Variants in FAS observed in about 807,000 individuals in gnomAD.
FAS encodes Fas cell surface death receptor.
Under a neutral mutation model 33.2 loss-of-function variants are expected in FAS, and 5 were observed. That is an observed-to-expected ratio of 0.15 (90% confidence interval 0.08 to 0.32). The LOEUF (loss-of-function observed/expected upper bound fraction) is 0.32, where lower values mean the gene tolerates loss of function less well. Ranked by LOEUF, FAS falls within the 10% of genes least tolerant of loss-of-function variation. The pLI, the probability that FAS is intolerant of heterozygous loss-of-function variation, is 1.00. For missense variants in FAS, 339 were observed against 386.0 expected (o/e 0.88, Z 1.02); for synonymous variants, 131 against 130.7 (o/e 1.00, Z -0.01).
upstream of FAS, chr10:88,990,602 T>G (rs1847107542): frequency 1.5e-6 from 1 of 680,290 alleles, no homozygotes; most frequent in Non-Finnish European, 2.7e-6. This position sits in a 1 kb window ranked among gnomAD's most constrained non-coding sequence, Gnocchi z 4.9. Context: ...CAGCGAGGCT[T>G]CCTTCCCATC....
chr10:88,965,930 CT>C (rs1193325471), intron 1 of FAS, among the ~76,000 whole-genome samples: 3 of 152,166 alleles, frequency 2.0e-5, no homozygotes, highest in African/African-American at 7.2e-5. Context: ...CACTCCAGTC[CT>C]TGAAAATGGT....
At chr10:88,972,050 A>G (rs1846459087) in intron 1 of FAS, among the ~76,000 whole-genome samples, 2 of 152,028 alleles carry the variant, frequency 1.3e-5, no homozygotes, top group Non-Finnish European at 2.9e-5. Flanking sequence ...CTGGGACTAC[A>G]GGCTCACACC....
exon 2 of FAS, chr10:88,973,297 C>T: frequency 6.2e-7 from 1 of 1,611,360 alleles, no homozygotes; most frequent in Non-Finnish European, 8.5e-7. Context: ...TCATCATCAC[C>T]ATCTGAACAG....
At chr10:88,978,671 C>T (rs1463180126) in intron 2 of FAS, among the ~76,000 whole-genome samples, 1 of 152,124 alleles carries the variant, frequency 6.6e-6, no homozygotes, top group Non-Finnish European at 1.5e-5. Flanking sequence ...TTCATTTGCA[C>T]CACGGCTCCA....
chr10:88,965,823 G>C (rs1024497622), intron 1 of FAS, among the ~76,000 whole-genome samples: 1 of 152,138 alleles, frequency 6.6e-6, no homozygotes, highest in African/African-American at 2.4e-5. Flanking sequence ...GGGCTGATTT[G>C]CTTTTAACTA....
intron 2 of FAS, among the ~76,000 whole-genome samples, chr10:88,981,310 G>T (rs1846704900): frequency 6.6e-6 from 1 of 152,116 alleles, no homozygotes; most frequent in Admixed American, 6.5e-5. Context: ...TGTGCATAAA[G>T]CACTTTTCCT....
chr10:88,969,700 C>T (rs903956391), intron 1 of FAS, among the ~76,000 whole-genome samples: 18 of 152,110 alleles, frequency 1.2e-4, no homozygotes, highest in Admixed American at 4.6e-4. Flanking sequence ...TTTTCATATA[C>T]GTTAATAGCA....
chr10:88,967,221 T>C (rs906016647), intron 1 of FAS, among the ~76,000 whole-genome samples: 2 of 152,188 alleles, frequency 1.3e-5, no homozygotes, highest in Non-Finnish European at 2.9e-5. Context: ...CCCAGTTCTT[T>C]AAACCTGATT....
At chr10:89,008,191 C>T (rs1028449724) in intron 3 of FAS, among the ~76,000 whole-genome samples, 1 of 152,122 alleles carries the variant, frequency 6.6e-6, no homozygotes, top group African/African-American at 2.4e-5. Flanking sequence ...CCTGCAGATA[C>T]AAGGACACAG....
chr10:89,014,192 A>G lies in FAS; in HGVS notation c.750A>G (p.Arg250=). The part of the protein sequence containing the change: ...MTLSQVKGFV[R]KNGVNEAKID... Reference sequence around the variant, plus strand: ...TAAGTCAAGTTAAAGGCTTTGTTCGAAAGAATGGTGTCAATGAAGCCAAAA... The same window carrying G: ...TAAGTCAAGTTAAAGGCTTTGTTCGGAAGAATGGTGTCAATGAAGCCAAAA... Residue 250 remains arginine, a synonymous_variant, in exon 9 of 9, where the codon CGA becomes CGG. Transcript: ENST00000652046. The G allele has an allele frequency of 6.2e-7, 1 of 1,613,962 alleles. No individual in the cohort carries two copies. The highest frequency in any genetic ancestry group is 2.2e-5 in the East Asian group (1 of 44,852).
intron 1 of FAS, among the ~76,000 whole-genome samples, chr10:88,970,212 G>A (rs1426896611): frequency 2.6e-5 from 4 of 152,156 alleles, no homozygotes; most frequent in African/African-American, 7.2e-5. Flanking sequence ...CATAGGCAAA[G>A]TCACTACCCT....
At chr10:88,972,587 G>T in intron 1 of FAS, among the ~76,000 whole-genome samples, 1 of 149,848 alleles carries the variant, frequency 6.7e-6, no homozygotes, top group Non-Finnish European at 1.5e-5. Context: ...TTATCTATTA[G>T]CTTTTTAACT....
At position 89,010,383 on chromosome 10, in the gene FAS, C is replaced by T. The variant is rs9658763; in HGVS notation, c.444-156C>T. ...GCCATCCAAATTATATTAACTTGTG[C>T]CAGCTTTAGATACTAATTTAGAAAT... On this transcript the variant is annotated intron_variant, in intron 4 of 8. Coordinates refer to ENST00000652046, the MANE Select transcript of FAS (RefSeq NM_000043.6). Among the ~76,000 whole-genome samples, 527 of 152,224 alleles carry T rather than the reference C, an allele frequency of 3.5e-3. 2 individuals are homozygous for T. Among genetic ancestry groups the T allele is most frequent in the African/African-American group, 0.012 (498 of 41,516 alleles).
intron 1 of FAS, among the ~76,000 whole-genome samples, chr10:88,970,335 TTGTC>T (rs1248960754): frequency 6.6e-6 from 1 of 152,142 alleles, no homozygotes; most frequent in Non-Finnish European, 1.5e-5. Context: ...ATTGACCTGA[TTGTC>T]TGTCCTCTTC....
chr10:88,995,128 T>C (rs1847511755), intron 1 of FAS, among the ~76,000 whole-genome samples: 1 of 152,184 alleles, frequency 6.6e-6, no homozygotes, highest in African/African-American at 2.4e-5. Context: ...AAATAACATT[T>C]AATAAATCCT....
At chr10:89,004,216 C>T (rs1434565386) in intron 2 of FAS, among the ~76,000 whole-genome samples, 1 of 152,180 alleles carries the variant, frequency 6.6e-6, no homozygotes, top group Non-Finnish European at 1.5e-5. Context: ...ATGCTTTGCA[C>T]ATCAAACTGT....
chr10:89,012,053 G>A lies in FAS; in HGVS notation c.623G>A (p.Gly208Asp), dbSNP rs943122373. Residue 208 changes from glycine to aspartate, a missense_variant, in exon 7 of 9, where the codon GGT becomes GAT. Physicochemically the swap from Gly to Asp is moderately conservative, Grantham distance 94 (BLOSUM62 -1). This residue lies in a region of FAS where 276 missense variants were observed against 300.1 expected (regional missense o/e 0.92). Coordinates refer to ENST00000652046, the MANE Select transcript of FAS (RefSeq NM_000043.6). ...AGAAAGCACAGAAAGGAAAACCAAG[G>A]TTCTCATGAATCTCCAACTTTAAAT... is the stretch of plus-strand genomic sequence containing the variant. ...TCRKHRKENQ[G>D]SHESPTLNPE... is the part of the protein sequence containing the mutation. The A allele has an allele frequency of 1.2e-6, 2 of 1,613,712 alleles. No individual in the cohort carries two copies. The highest frequency in any genetic ancestry group is 2.7e-5 in the African/African-American group (2 of 74,914).
chr10:88,970,702 C>T (rs984311631), intron 1 of FAS, among the ~76,000 whole-genome samples: 1 of 152,064 alleles, frequency 6.6e-6, no homozygotes, highest in Non-Finnish European at 1.5e-5. Flanking sequence ...AGGAACATCA[C>T]ACACCGGGGC....
chr10:89,001,263 C>CT (rs10600180), intron 1 of FAS, among the ~76,000 whole-genome samples: 22,002 of 141,830 alleles, frequency 0.16, 2,015 homozygotes, highest in East Asian at 0.44. Flanking sequence ...CACTGAATGC[C>CT]TTTTTTTTTT....
Sources: allele counts gnomAD v4.1 joint callset (sites outside exome capture counted in the v4.1 genomes callset), GRCh38; gene constraint gnomAD v4.1.1; regional missense constraint gnomAD v4.1.1; non-coding constraint Gnocchi (gnomAD v3.1); transcripts MANE v1.5; gene names NCBI Gene and HGNC (gene_info 2026-07-23, HGNC 2026-07-21).